WASF3: variants seen among roughly 807,000 people sequenced by gnomAD.
WASF3 encodes the protein actin-binding protein WASF3.
Under a neutral mutation model 46.6 loss-of-function variants are expected in WASF3, and 11 were observed. The observed-to-expected ratio is 0.24, with a 90% CI of 0.15 to 0.39. The LOEUF is 0.39. Ranked by LOEUF, WASF3 falls within the 10% of genes least tolerant of loss-of-function variation. The pLI, the probability that WASF3 is intolerant of heterozygous loss-of-function variation, is 1.00. For missense variants in WASF3, 576 were observed against 669.8 expected (o/e 0.86, Z 1.55); for synonymous variants, 242 against 259.7 (o/e 0.93, Z 0.65).
At chr13:26,642,721 A>G (rs1485177242) in intron 3 of WASF3, among the ~76,000 whole-genome samples, 3 of 152,372 alleles carry the variant, frequency 2.0e-5, no homozygotes, top group African/African-American at 7.2e-5. Context: ...ATCAATTATT[A>G]TGAATTATTT....
intron 1 of WASF3, among the ~76,000 whole-genome samples, chr13:26,578,890 G>A (rs1324066240): frequency 6.6e-6 from 1 of 150,614 alleles, no homozygotes; most frequent in African/African-American, 2.5e-5. Context: ...TTTGGGAAAT[G>A]CTTTTTCTAT....
chr13:26,576,907 C>A, intron 1 of WASF3: 2 of 777,812 alleles, frequency 2.6e-6, no homozygotes, highest in Non-Finnish European at 2.2e-6. Context: ...CAAGAACAAA[C>A]GCCTTACGAA....
chr13:26,554,797 G>C (rs1004993342), upstream of WASF3, among the ~76,000 whole-genome samples: 1 of 152,174 alleles, frequency 6.6e-6, no homozygotes, highest in African/African-American at 2.4e-5. Flanking sequence ...TTCACCTTGT[G>C]AGGGACATCT....
intron 3 of WASF3, among the ~76,000 whole-genome samples, chr13:26,663,398 T>C (rs1474080035): frequency 1.3e-5 from 2 of 152,196 alleles, no homozygotes; most frequent in African/African-American, 4.8e-5. Context: ...AAAATGTATA[T>C]AGTTTGTGTG....
At chr13:26,635,383 T>C (rs1417356995) in intron 2 of WASF3, among the ~76,000 whole-genome samples, 1 of 152,250 alleles carries the variant, frequency 6.6e-6, no homozygotes, top group African/African-American at 2.4e-5. Flanking sequence ...AGTTAGCCAT[T>C]CGTCTAACCT....
At position 26,582,158 on chromosome 13, in the gene WASF3, T is replaced by G. The variant is rs74843828; in HGVS notation, c.-109+24339T>G. 5.1e-3 allele frequency among the ~76,000 whole-genome samples: 773 copies of G among 152,300 alleles called. 10 individuals are homozygous for G. Among genetic ancestry groups the G allele is most frequent in the East Asian group, 0.038 (197 of 5,174 alleles). On this transcript the variant is annotated intron_variant, in intron 1 of 9. Coordinates refer to ENST00000335327, the MANE Select transcript of WASF3 (RefSeq NM_006646.6). ...CTTTCTGAACAAAGTAGGTTATACA[T>G]AAATGCAATTACATACGGATGGTTC...
intron 1 of WASF3, among the ~76,000 whole-genome samples, chr13:26,568,562 TC>T (rs1351239801): frequency 3.3e-5 from 5 of 152,146 alleles, no homozygotes; most frequent in Non-Finnish European, 1.5e-5. Context: ...GCAGGAATTT[TC>T]CCCACCTGTT....
intron 2 of WASF3, among the ~76,000 whole-genome samples, chr13:26,624,573 T>G (rs2137247827): frequency 6.6e-6 from 1 of 151,406 alleles, no homozygotes; most frequent in East Asian, 1.9e-4. Context: ...TATCCCAAAT[T>G]AATGAAAGAC....
intron 1 of WASF3, among the ~76,000 whole-genome samples, chr13:26,586,367 A>G (rs1001888886): frequency 7.9e-5 from 12 of 152,278 alleles, no homozygotes; most frequent in African/African-American, 2.9e-4. Flanking sequence ...ATGAGTATCC[A>G]GTTGTTATAA....
chr13:26,634,062 G>A (rs1087264), intron 2 of WASF3, among the ~76,000 whole-genome samples: 2,086 of 151,968 alleles, frequency 0.014, 54 homozygotes, highest in African/African-American at 0.047. Flanking sequence ...CTTCTGTCTC[G>A]ATCTGTCTAA....
At position 26,688,173 on chromosome 13, in the gene WASF3, T is replaced by G. The variant is rs1318311154; in HGVS notation, c.*2328T>G. ...ATTTTTAGAGTATTTTTCCAGCAAA[T>G]TCAATTTATTCTGAAATTTAAATCC... On this transcript the variant is annotated 3_prime_UTR_variant, in exon 10 of 10. Transcript: ENST00000335327. The G allele has an allele frequency of 6.6e-6, 1 of 152,192 alleles. No homozygotes were observed. The highest frequency in any genetic ancestry group is 1.5e-5 in the Non-Finnish European group (1 of 68,026). 9.4% of individuals were successfully genotyped at this position (152,192 alleles called of 1,614,324 possible).
At chr13:26,680,021 G>A (rs1316689932) in intron 7 of WASF3, 1 of 1,593,470 alleles carries the variant, frequency 6.3e-7, no homozygotes, top group Non-Finnish European at 8.5e-7. Flanking sequence ...ATGTGTGTTT[G>A]GTATTTCCTT....
chr13:26,685,993 T>A lies in WASF3; in HGVS notation c.*148T>A. The A allele has an allele frequency of 9.0e-7, 1 of 1,113,112 alleles. No homozygotes were observed. The highest frequency in any genetic ancestry group is 2.6e-5 in the East Asian group (1 of 38,326). The allele number at this position is 1,113,112 out of a possible 1,614,324, so 69.0% of individuals were successfully genotyped here. A position where few individuals can be genotyped will look rare whatever the true frequency, so the allele number is the denominator to read the frequency against. ...CTTCTGCACATCCAAAAATTCTGGG[T>A]CTTTTCAGTATTTACTGTGTAATAC... On this transcript the variant is annotated 3_prime_UTR_variant, in exon 10 of 10. Transcript: ENST00000335327.
intron 4 of WASF3, among the ~76,000 whole-genome samples, chr13:26,666,902 A>G (rs1882791355): frequency 6.7e-6 from 1 of 149,576 alleles, no homozygotes; most frequent in East Asian, 1.9e-4. Context: ...AGGTGAGTTA[A>G]TAAATGAAAT....
At chr13:26,677,897 A>C (rs1343433128) in intron 7 of WASF3, among the ~76,000 whole-genome samples, 1 of 152,152 alleles carries the variant, frequency 6.6e-6, no homozygotes, top group Non-Finnish European at 1.5e-5. Flanking sequence ...ACTCGTGCAA[A>C]ACGTATACTT....
intron 2 of WASF3, chr13:26,638,316 G>T (rs919946055): frequency 2.0e-5 from 3 of 152,204 alleles, no homozygotes; most frequent in Admixed American, 6.5e-5. Context: ...CCCAGTTTCA[G>T]CCATGTCTGG....
At chr13:26,608,632 G>A (rs916342180) in intron 1 of WASF3, among the ~76,000 whole-genome samples, 3 of 152,108 alleles carry the variant, frequency 2.0e-5, no homozygotes, top group Admixed American at 6.5e-5. Flanking sequence ...GTATGGTGGG[G>A]CCAGCTAAAA....
the WASF3 span, among the ~76,000 whole-genome samples, chr13:26,539,275 A>G: frequency 6.6e-6 from 1 of 152,172 alleles, no homozygotes; most frequent in Non-Finnish European, 1.5e-5. Flanking sequence ...ACCAAGTGGT[A>G]GCTGAGTCTG....
At chr13:26,664,294 TCAGA>T (rs1882710832) in intron 3 of WASF3, among the ~76,000 whole-genome samples, 2 of 152,258 alleles carry the variant, frequency 1.3e-5, no homozygotes, top group Admixed American at 6.5e-5. Context: ...CCTTGCACAC[TCAGA>T]GTAGGCAGCT....
Sources: allele counts gnomAD v4.1 joint callset (sites outside exome capture counted in the v4.1 genomes callset), GRCh38; gene constraint gnomAD v4.1.1; transcripts MANE v1.5; gene names NCBI Gene and HGNC (gene_info 2026-07-23, HGNC 2026-07-21).